The following SMG1 variants were observed in gnomAD, a reference collection of about 807,000 sequenced individuals.
SMG1 encodes serine/threonine-protein kinase SMG1.
SMG1 carries 22 observed loss-of-function variants against 419.9 expected under a neutral mutation model. The observed-to-expected ratio is 0.05, with a 90% CI of 0.04 to 0.07. The LOEUF (loss-of-function observed/expected upper bound fraction) is 0.07, where lower values mean the gene tolerates loss of function less well. SMG1 is among the 10% of genes least tolerant of loss of function. SMG1 has a pLI of 1.00. For missense variants in SMG1, 3,185 were observed against 4,342.0 expected (o/e 0.73, Z 7.49); for synonymous variants, 1,538 against 1,553.5 (o/e 0.99, Z 0.23).
chr16:18,885,217 C>G lies in SMG1; in HGVS notation c.949-55G>C, dbSNP rs1352532027. 5 of 672,592 alleles carry G rather than the reference C, an allele frequency of 7.4e-6. No homozygotes were observed. In the African/African-American group the frequency reaches 9.0e-5, roughly 12 times the overall value. 41.7% of individuals were successfully genotyped at this position (672,592 alleles called of 1,614,324 possible). A position where few individuals can be genotyped will look rare whatever the true frequency, so the allele number is the denominator to read the frequency against. Reference sequence around the variant, plus strand: ...ATCATTTTAAGATATTACTGCCATTCACCTGTGGACCATTTCACAGCAAAA... The same window carrying G: ...ATCATTTTAAGATATTACTGCCATTGACCTGTGGACCATTTCACAGCAAAA... On this transcript the variant is annotated intron_variant, in intron 7 of 62. Coordinates refer to ENST00000446231, the MANE Select transcript of SMG1 (RefSeq NM_015092.5).
chr16:18,865,861 TC>T (rs1246218929), intron 23 of SMG1, among the ~76,000 whole-genome samples: 1 of 152,000 alleles, frequency 6.6e-6, no homozygotes. Flanking sequence ...AGACAGGGTT[TC>T]ACCATGTTAG....
In SMG1 at chr16:18,805,619, C is replaced by T. The variant is rs1356024415; in HGVS notation, c.*3950G>A. On this transcript the variant is annotated 3_prime_UTR_variant, in exon 63 of 63. Transcript: ENST00000446231. ...ATACAGTGAATTTTCCCCTCCCCAACGTTTGGAAAAAATTGGGACACTTGC... is the reference window on the plus strand; with the variant it reads ...ATACAGTGAATTTTCCCCTCCCCAATGTTTGGAAAAAATTGGGACACTTGC... The T allele has an allele frequency of 6.6e-6, 1 of 152,188 alleles. No individual in the cohort carries two copies. Among genetic ancestry groups the T allele is most frequent in the Non-Finnish European group, 1.5e-5 (1 of 68,024 alleles). 9.4% of individuals were successfully genotyped at this position (152,188 alleles called of 1,614,324 possible).
At chr16:18,841,015 A>G (rs573039539) in intron 41 of SMG1, among the ~76,000 whole-genome samples, 13 of 152,156 alleles carry the variant, frequency 8.5e-5, no homozygotes, top group Non-Finnish European at 1.3e-4. Flanking sequence ...AGCTATGATC[A>G]TACCACTGCA....
chr16:18,848,318 CT>C (rs34583374), intron 36 of SMG1, among the ~76,000 whole-genome samples: 19,368 of 142,034 alleles, frequency 0.14, 1,536 homozygotes, highest in African/African-American at 0.27. Context: ...TGGTATAATC[CT>C]TTTTTTTTTT....
intron 1 of SMG1, among the ~76,000 whole-genome samples, chr16:18,898,394 T>TA (rs2037218037): frequency 6.6e-6 from 1 of 151,922 alleles, no homozygotes; most frequent in Non-Finnish European, 1.5e-5. Context: ...TAAGGGAAAA[T>TA]AAAATCTATG....
chr16:18,905,519 T>C (rs2037525052), intron 1 of SMG1, among the ~76,000 whole-genome samples: 1 of 152,142 alleles, frequency 6.6e-6, no homozygotes, highest in Admixed American at 6.6e-5. Context: ...AATTTCTCAA[T>C]ACCATTCTAA....
intron 1 of SMG1, among the ~76,000 whole-genome samples, chr16:18,909,100 T>C (rs1183291538): frequency 2.0e-5 from 3 of 150,594 alleles, no homozygotes; most frequent in African/African-American, 5.0e-5. Context: ...CCCAGCACTT[T>C]AGGAGGCCGA....
rs898459147 is a variant in SMG1 at position 18,808,416 on chromosome 16, T to C, written c.*1153A>G. ...AAAAGTATCAAATGAAAAACATGAA[T>C]TAAAAAAATTTCAGTCTACCTCCAC... On this transcript the variant is annotated 3_prime_UTR_variant, in exon 63 of 63. Transcript: ENST00000446231. The C allele has an allele frequency of 6.6e-6, 1 of 152,152 alleles. No homozygotes were observed. The highest frequency in any genetic ancestry group is 6.5e-5 in the Admixed American group (1 of 15,272). The allele number at this position is 152,152 out of a possible 1,614,324, so 9.4% of individuals were successfully genotyped here. A position where few individuals can be genotyped will look rare whatever the true frequency, so the allele number is the denominator to read the frequency against.
rs533537192 is a variant in SMG1 at position 18,919,042 on chromosome 16, C to T, written c.92+6908G>A. ...TTTTACAAGTCATAAAAATCCTGGCCGTGGCCCAGTGCAGTAGCTTATGCC... is the reference window on the plus strand; with the variant it reads ...TTTTACAAGTCATAAAAATCCTGGCTGTGGCCCAGTGCAGTAGCTTATGCC... On this transcript the variant is annotated intron_variant, in intron 1 of 62. Transcript: ENST00000446231. Among the ~76,000 whole-genome samples, 332 of 151,806 alleles carry T rather than the reference C, an allele frequency of 2.2e-3. 5 individuals are homozygous for T. The highest frequency in any genetic ancestry group is 7.3e-3 in the African/African-American group (303 of 41,404).
chr16:18,864,237 C>T, intron 23 of SMG1, 93 bp from the exon 24 acceptor site: 2 of 1,189,458 alleles, frequency 1.7e-6, no homozygotes, highest in South Asian at 3.4e-5. Flanking sequence ...CTCTTCTTGC[C>T]CAGGCTGGAG....
chr16:18,889,672 T>G, intron 5 of SMG1, 87 bp from the exon 6 acceptor site: 1 of 567,950 alleles, frequency 1.8e-6, no homozygotes, highest in South Asian at 2.0e-5. Context: ...TACAAAAGAA[T>G]GTCTTAAGTG....
At chr16:18,913,923 C>T (rs137943782) in intron 1 of SMG1, among the ~76,000 whole-genome samples, 1,957 of 152,026 alleles carry the variant, frequency 0.013, 54 homozygotes, top group African/African-American at 0.045. Flanking sequence ...CCCAGCACTT[C>T]GGGAAGCCAA....
chr16:18,910,607 C>T (rs1207761114), intron 1 of SMG1, among the ~76,000 whole-genome samples: 1 of 151,938 alleles, frequency 6.6e-6, no homozygotes, highest in African/African-American at 2.4e-5. Context: ...TCAAGTGATC[C>T]ACCCACCTCC....
In SMG1 at chr16:18,805,591, A is replaced by C. The variant is rs1345937919; in HGVS notation, c.*3978T>G. On this transcript the variant is annotated 3_prime_UTR_variant, in exon 63 of 63. Transcript: ENST00000446231. Reference sequence around the variant, plus strand: ...AAGTGCAACAAACCCTTAGGGTTTCATGATACAGTGAATTTTCCCCTCCCC... The same window carrying C: ...AAGTGCAACAAACCCTTAGGGTTTCCTGATACAGTGAATTTTCCCCTCCCC... 1.3e-5 allele frequency: 2 copies of C among 152,230 alleles called. No individual in the cohort carries two copies. The highest frequency in any genetic ancestry group is 2.1e-4 in the South Asian group (1 of 4,834). 9.4% of individuals were successfully genotyped at this position (152,230 alleles called of 1,614,324 possible). A position where few individuals can be genotyped will look rare whatever the true frequency, so the allele number is the denominator to read the frequency against.
intron 62 of SMG1, among the ~76,000 whole-genome samples, chr16:18,809,972 G>A (rs1397982879): frequency 2.6e-5 from 4 of 151,004 alleles, no homozygotes; most frequent in East Asian, 1.9e-4. Flanking sequence ...TTGACAAAAC[G>A]GTTTCTTAAA....
chr16:18,870,852 C>G lies in SMG1; in HGVS notation c.2339G>C (p.Cys780Ser). ...AGAGGACAGAGCATGTAGACTGCTG[C>G]ATGCCTGCAGACAGATATTCACATC... ...VEDVNICLQA[C>S]SSLHALSSSL... The change falls in exon 17 of 63, where the codon TGC becomes TCC. Residue 780 changes from cysteine (C) to serine (S), a missense_variant. Physicochemically the swap from Cys to Ser is moderately radical, Grantham distance 112 (BLOSUM62 -1). Around this residue, in one of 27 missense-constraint regions of SMG1, gnomAD observed 297 missense variants for 491.0 expected, o/e 0.60. Transcript: ENST00000446231. 2 of 1,585,484 alleles carry G rather than the reference C, an allele frequency of 1.3e-6. No individual in the cohort carries two copies. Among genetic ancestry groups the G allele is most frequent in the Non-Finnish European group, 1.7e-6 (2 of 1,165,248 alleles).
In SMG1 at chr16:18,849,308, A is replaced by G. The variant is rs762484647; in HGVS notation, c.5532T>C (p.Leu1844=). ...GGGAATCTTGAGCCACACGGCAGAG[A>G]AGGTTACAAATACTTTGGCGCACAT... ...EVYVRQSICN[L]LCRVAQDSPH... The change falls in exon 36 of 63, where the codon CTT becomes CTC. Residue 1844 remains leucine, a synonymous_variant. Coordinates refer to ENST00000446231, the MANE Select transcript of SMG1 (RefSeq NM_015092.5). 21 of 1,613,810 alleles carry G rather than the reference A, an allele frequency of 1.3e-5. No homozygotes were observed. Among genetic ancestry groups the G allele is most frequent in the East Asian group, 2.2e-5 (1 of 44,866 alleles).
chr16:18,818,879 C>T (rs1324669057), intron 56 of SMG1, among the ~76,000 whole-genome samples: 1 of 145,354 alleles, frequency 6.9e-6, no homozygotes, highest in East Asian at 2.0e-4. Flanking sequence ...TTCAGTGGCA[C>T]GATCTTGGAT....
chr16:18,859,093 C>A lies in SMG1; in HGVS notation c.4042G>T (p.Val1348Phe), dbSNP rs1463619268. 1.3e-6 allele frequency: 2 copies of A among 1,529,032 alleles called. No individual in the cohort carries two copies. The highest frequency in any genetic ancestry group is 1.4e-5 in the African/African-American group (1 of 73,010). The allele number at this position is 1,529,032 out of a possible 1,614,324, so 94.7% of individuals were successfully genotyped here. Residue 1348 changes from valine (V) to phenylalanine (F), a missense_variant, in exon 28 of 63, where the codon GTT becomes TTT. Val to Phe is a conservative substitution (Grantham distance 50). Around this residue, in one of 27 missense-constraint regions of SMG1, gnomAD observed 120 missense variants for 193.3 expected, o/e 0.62. Transcript: ENST00000446231. The part of the protein sequence containing the change: ...STLTVSQSLP[V>F]LSTLQLYCSS... ...CAATACAGCTGCAAGGTACTTAGAA[C>A]TGGCAAAGACTGTGAAACTGTTAAA... is the stretch of plus-strand genomic sequence containing the variant.
Sources: gnomAD v4.1 joint callset for allele counts (sites outside exome capture counted in the v4.1 genomes callset) on GRCh38, gnomAD v4.1.1 for gene constraint, gnomAD v4.1.1 regional missense constraint, MANE v1.5 for transcripts, NCBI Gene and HGNC (gene_info 2026-07-23, HGNC 2026-07-21) for gene names.